CHTOP: variants seen among roughly 807,000 people sequenced by gnomAD.
The protein encoded by CHTOP is chromatin target of PRMT1, also known as chromatin target of PRMT1 protein.
CHTOP carries 18 observed loss-of-function variants against 33.6 expected under a neutral mutation model. The observed-to-expected ratio is 0.54, with a 90% CI of 0.37 to 0.80. CHTOP has a LOEUF of 0.80. CHTOP is among the 30% of genes least tolerant of loss of function. CHTOP has a pLI of 0.00. For synonymous variants in CHTOP, 117 were observed against 127.7 expected, an observed-to-expected ratio of 0.92 and a Z score of 0.56; for missense variants, 263 against 336.8, an observed-to-expected ratio of 0.78 and a Z score of 1.71.
chr1:153,641,448 TTATA>T (rs1668621572), intron 3 of CHTOP, among the ~76,000 whole-genome samples: 2 of 152,226 alleles, frequency 1.3e-5, no homozygotes, highest in South Asian at 2.1e-4. Context: ...GTCCTTGTTC[TTATA>T]TATGGCCCTG....
chr1:153,639,781 TTTTGGTTTGG>T (rs766245424), intron 3 of CHTOP, among the ~76,000 whole-genome samples: 82 of 152,166 alleles, frequency 5.4e-4, no homozygotes, highest in African/African-American at 1.7e-3. Flanking sequence ...TTTTTTATGT[TTTTGGTTTGG>T]TTTGGTTTGG....
intron 3 of CHTOP, among the ~76,000 whole-genome samples, chr1:153,638,733 A>G (rs2101685959): frequency 6.6e-6 from 1 of 152,332 alleles, no homozygotes; most frequent in East Asian, 1.9e-4. Flanking sequence ...ACATAGATTA[A>G]TGGCTTATTC....
intron 1 of CHTOP, among the ~76,000 whole-genome samples, chr1:153,634,934 A>G (rs1443055044): frequency 6.6e-6 from 1 of 151,424 alleles, no homozygotes; most frequent in Non-Finnish European, 1.5e-5. Flanking sequence ...GCTCACTACA[A>G]CTTCCGCCTC....
At chr1:153,638,488 A>T (rs376792332) in intron 3 of CHTOP, 40 bp downstream of exon 3, 4 of 1,612,964 alleles carry the variant, frequency 2.5e-6, no homozygotes, top group Non-Finnish European at 3.4e-6. Flanking sequence ...GCAGCTGGTG[A>T]TCTCTGTGAG....
At chr1:153,639,171 G>A (rs1037454310) in intron 3 of CHTOP, among the ~76,000 whole-genome samples, 2 of 152,112 alleles carry the variant, frequency 1.3e-5, no homozygotes, top group South Asian at 2.1e-4. Flanking sequence ...TTGAGCCACC[G>A]CGCCCAGCAG....
Position 153,645,364 on chromosome 1 carries a change from A to G in CHTOP, c.*95A>G, listed in dbSNP as rs1389389753. 7 of 1,227,434 alleles carry G rather than the reference A, an allele frequency of 5.7e-6. No homozygotes were observed. The highest frequency in any genetic ancestry group is 4.9e-5 in the East Asian group (2 of 41,078). 76.0% of individuals were successfully genotyped at this position (1,227,434 alleles called of 1,614,324 possible). ...TGAGAAGAAATCTGATTGATGCTGG[A>G]TGGACCTATCACAATAGGCTGTGGA... On this transcript the variant is annotated 3_prime_UTR_variant, in exon 6 of 6. Coordinates refer to ENST00000368694, the MANE Select transcript of CHTOP (RefSeq NM_015607.4).
At chr1:153,634,795 G>A (rs976678344) in intron 1 of CHTOP, among the ~76,000 whole-genome samples, 2 of 150,924 alleles carry the variant, frequency 1.3e-5, no homozygotes, top group African/African-American at 4.9e-5. Flanking sequence ...GGAGTTGAAA[G>A]CCACTTTTGA....
At chr1:153,640,383 C>T (rs1197414018) in intron 3 of CHTOP, among the ~76,000 whole-genome samples, 2 of 151,442 alleles carry the variant, frequency 1.3e-5, no homozygotes, top group African/African-American at 2.4e-5. Context: ...TAAGGAGAAT[C>T]TCTTGAACCC....
In CHTOP at chr1:153,643,513, A is replaced by G. The variant is rs1668699828; in HGVS notation, c.541+149A>G. ...TTGAAACTGGCTTATTTTTCAAATT[A>G]CCATGCTGGTAGTGCAAAAGTCTCA... is the stretch of plus-strand genomic sequence containing the variant. On this transcript the variant is annotated intron_variant, in intron 5 of 5. Coordinates refer to ENST00000368694, the MANE Select transcript of CHTOP (RefSeq NM_015607.4). 4.8e-6 allele frequency: 4 copies of G among 826,770 alleles called. No homozygotes were observed. In the Admixed American group the frequency reaches 1.0e-4, roughly 21 times the overall value. The allele number at this position is 826,770 out of a possible 1,614,324, so 51.2% of individuals were successfully genotyped here.
Position 153,636,574 on chromosome 1 carries a change from T to A in CHTOP, c.-15T>A, listed in dbSNP as rs1371888584. The A allele has an allele frequency of 6.2e-7, 1 of 1,610,958 alleles. No individual in the cohort carries two copies. Among genetic ancestry groups the A allele is most frequent in the South Asian group, 1.1e-5 (1 of 90,968 alleles). Reference sequence around the variant, plus strand: ...ATTTTACGTATTGTTCTTTGTAGATTCTCGGGATTCGAAGATGGCTGCACA... The same window carrying A: ...ATTTTACGTATTGTTCTTTGTAGATACTCGGGATTCGAAGATGGCTGCACA... On this transcript the variant is annotated splice_region_variant and 5_prime_UTR_variant, in exon 2 of 6. Coordinates refer to ENST00000368694, the MANE Select transcript of CHTOP (RefSeq NM_015607.4).
intron 3 of CHTOP, among the ~76,000 whole-genome samples, chr1:153,640,578 A>C (rs1315917208): frequency 1.3e-5 from 2 of 152,054 alleles, no homozygotes; most frequent in Non-Finnish European, 2.9e-5. Context: ...TCAGGAGTTC[A>C]AGACCAGCCT....
chr1:153,638,314 A>T lies in CHTOP; in HGVS notation c.85A>T (p.Asn29Tyr). ...TTGAAGCTTTACTAATATGCTGAAGAACAAACAGCCGACGCCAGTGAATAT... is the reference window on the plus strand; with the variant it reads ...TTGAAGCTTTACTAATATGCTGAAGTACAAACAGCCGACGCCAGTGAATAT... ...LNERFTNMLK[N>Y]KQPTPVNIRA... The change falls in exon 3 of 6, where the codon AAC (asparagine) becomes TAC (tyrosine). Residue 29 changes from asparagine (N) to tyrosine (Y), a missense_variant. Transcript: ENST00000368694. 1 of 1,614,254 alleles carries T rather than the reference A, an allele frequency of 6.2e-7. No homozygotes were observed. The highest frequency in any genetic ancestry group is 8.5e-7 in the Non-Finnish European group (1 of 1,180,042).
At chr1:153,636,832 T>C in intron 2 of CHTOP, 179 bp downstream of exon 2, 1 of 581,094 alleles carries the variant, frequency 1.7e-6, no homozygotes, top group Middle Eastern at 3.1e-4. Context: ...TCAAAACCCC[T>C]TATCAGTAGA....
At chr1:153,639,385 G>A (rs1041489994) in intron 3 of CHTOP, 10 of 977,962 alleles carry the variant, frequency 1.0e-5, no homozygotes, top group South Asian at 4.7e-5. Flanking sequence ...ATGCAAGTCC[G>A]GACAGTGGCT....
At chr1:153,637,249 T>G (rs895960456) in intron 2 of CHTOP, 1 of 152,266 alleles carries the variant, frequency 6.6e-6, no homozygotes, top group Non-Finnish European at 1.5e-5. Context: ...ATCAAACTGA[T>G]GTAACTTTGA....
At chr1:153,642,564 T>G in intron 4 of CHTOP, 135 bp downstream of exon 4, 1 of 651,358 alleles carries the variant, frequency 1.5e-6, no homozygotes, top group South Asian at 2.8e-5. Context: ...ATCACATATT[T>G]TTAATAGTGC....
intron 3 of CHTOP, among the ~76,000 whole-genome samples, chr1:153,640,039 G>A (rs1447602129): frequency 6.6e-6 from 1 of 152,056 alleles, no homozygotes; most frequent in Non-Finnish European, 1.5e-5. Flanking sequence ...ATCCCAAAGT[G>A]TTCAGATTAC....
chr1:153,642,117 C>A, intron 3 of CHTOP, 129 bp from the exon 4 acceptor site: 1 of 659,944 alleles, frequency 1.5e-6, no homozygotes, highest in Non-Finnish European at 2.5e-6. Context: ...ATCCTTTTGA[C>A]ACCCACAACA....
chr1:153,638,600 AT>A, intron 3 of CHTOP, 152 bp downstream of exon 3: 1 of 864,766 alleles, frequency 1.2e-6, no homozygotes, highest in Middle Eastern at 2.4e-4. Flanking sequence ...GAGAATTCCA[AT>A]TTTGGCAGGT....
Sources: allele counts gnomAD v4.1 joint callset (sites outside exome capture counted in the v4.1 genomes callset), GRCh38; gene constraint gnomAD v4.1.1; transcripts MANE v1.5; gene names NCBI Gene and HGNC (gene_info 2026-07-23, HGNC 2026-07-21).